ARID1B: variants seen among roughly 807,000 people sequenced by gnomAD.
ARID1B encodes the protein AT-rich interaction domain 1B, also known as AT-rich interactive domain-containing protein 1B.
ARID1B carries 30 observed loss-of-function variants against 212.3 expected under a neutral mutation model. That is an observed-to-expected ratio of 0.14 (90% CI 0.11 to 0.19). The LOEUF (loss-of-function observed/expected upper bound fraction) is 0.19. Ranked by LOEUF, ARID1B falls within the 10% of genes least tolerant of loss-of-function variation. The pLI is 1.00. For synonymous variants in ARID1B, 1,402 were observed against 1,301.7 expected (o/e 1.08, Z -1.66); for missense variants, 2,891 against 3,204.0 (o/e 0.90, Z 2.36).
At chr6:157,017,124 G>C (rs1779960084) in intron 4 of ARID1B, among the ~76,000 whole-genome samples, 1 of 152,212 alleles carries the variant, frequency 6.6e-6, no homozygotes, top group African/African-American at 2.4e-5. Context: ...GGACAGGGTT[G>C]CTCTAGACAA....
chr6:157,128,242 A>C (rs1046029109), intron 6 of ARID1B, among the ~76,000 whole-genome samples: 2 of 152,218 alleles, frequency 1.3e-5, no homozygotes, highest in African/African-American at 4.8e-5. Context: ...ATAATGGATT[A>C]CTTTTTTAGT....
At chr6:156,981,420 T>C (rs1188943404) in intron 4 of ARID1B, among the ~76,000 whole-genome samples, 1 of 152,150 alleles carries the variant, frequency 6.6e-6, no homozygotes, top group Non-Finnish European at 1.5e-5. Context: ...GTCATCTAAG[T>C]TTTCAAAAAT....
intron 2 of ARID1B, among the ~76,000 whole-genome samples, chr6:156,836,137 A>G (rs986735633): frequency 6.6e-6 from 1 of 152,208 alleles, no homozygotes; most frequent in African/African-American, 2.4e-5. Flanking sequence ...CGCTCCTTGG[A>G]AAACAAACAC....
Position 156,955,035 on chromosome 6 carries a change from GC to G in ARID1B, c.2247+19462del, listed in dbSNP as rs1793863664. Among the ~76,000 whole-genome samples the G allele has an allele frequency of 6.6e-6, 1 of 152,236 alleles. No individual in the cohort carries two copies. Among genetic ancestry groups the G allele is most frequent in the Non-Finnish European group, 1.5e-5 (1 of 68,040 alleles). On this transcript the variant is annotated intron_variant, in intron 4 of 19. Coordinates refer to ENST00000636930, the MANE Select transcript of ARID1B (RefSeq NM_001374828.1). This position sits in a 1 kb window ranked among gnomAD's most constrained non-coding sequence, Gnocchi z 4.2. ...TCTGCAGGGCTTTGCGGCAGCTGCAGCCCACTCTTGCCACTGTGATGGGAGC... is the reference window on the plus strand; with the variant it reads ...TCTGCAGGGCTTTGCGGCAGCTGCAGCCACTCTTGCCACTGTGATGGGAGC...
At chr6:156,860,579 T>C (rs1391952737) in intron 2 of ARID1B, among the ~76,000 whole-genome samples, 7 of 152,196 alleles carry the variant, frequency 4.6e-5, no homozygotes, top group African/African-American at 1.7e-4. Context: ...GAGTTAATTA[T>C]CTAACATCCA....
At chr6:157,056,186 CA>C (rs1404344252) in intron 4 of ARID1B, among the ~76,000 whole-genome samples, 1 of 152,146 alleles carries the variant, frequency 6.6e-6, no homozygotes, top group African/African-American at 2.4e-5. Context: ...GTCTGTATAC[CA>C]GGGGCTGGGA....
intron 11 of ARID1B, among the ~76,000 whole-genome samples, chr6:157,178,837 C>T (rs977146068): frequency 5.9e-5 from 9 of 152,154 alleles, no homozygotes; most frequent in Admixed American, 2.6e-4. Context: ...CAAGAACAAG[C>T]ATTTCTGTGC....
intron 2 of ARID1B, among the ~76,000 whole-genome samples, chr6:156,860,778 C>G (rs1157274410): frequency 1.3e-5 from 2 of 152,200 alleles, no homozygotes; most frequent in Non-Finnish European, 2.9e-5. Context: ...GCGTTTTATA[C>G]TTTTCATAAT....
At chr6:156,935,431 T>C (rs181517511) in intron 3 of ARID1B, 35 bp from the exon 4 acceptor site, 2 of 1,530,866 alleles carry the variant, frequency 1.3e-6, no homozygotes, top group East Asian at 4.5e-5. Flanking sequence ...CATTGAGATA[T>C]TTATGAAGTG....
intron 12 of ARID1B, 38 bp downstream of exon 12, chr6:157,181,216 T>G: frequency 6.2e-7 from 1 of 1,605,502 alleles, no homozygotes; most frequent in Non-Finnish European, 8.5e-7. Context: ...AAAGGAAGCA[T>G]TGTGGATAAG....
chr6:157,112,547 T>G (rs555624435), intron 6 of ARID1B, among the ~76,000 whole-genome samples: 10 of 152,324 alleles, frequency 6.6e-5, no homozygotes, highest in African/African-American at 2.4e-4. Context: ...TGTTAAAGGG[T>G]AAAAGTTCCC....
intron 4 of ARID1B, among the ~76,000 whole-genome samples, chr6:157,052,737 T>G (rs1184909689): frequency 6.6e-6 from 1 of 152,198 alleles, no homozygotes; most frequent in Non-Finnish European, 1.5e-5. Flanking sequence ...TGTCTGTTTT[T>G]TGAGATGGAG....
chr6:156,834,140 A>G lies in ARID1B; in HGVS notation c.1986+4719A>G, dbSNP rs527351962. Among the ~76,000 whole-genome samples, 467 of 152,330 alleles carry G rather than the reference A, an allele frequency of 3.1e-3. 3 individuals are homozygous for G. Among genetic ancestry groups the G allele is most frequent in the Admixed American group, 5.7e-3 (87 of 15,308 alleles). On this transcript the variant is annotated intron_variant, in intron 2 of 19. Coordinates refer to ENST00000636930, the MANE Select transcript of ARID1B (RefSeq NM_001374828.1). ...TGAGAGCTCTGAAAAGTAAGGATGA[A>G]TGGGGAGAGGAAGACTGGTTTAAGA... is the stretch of plus-strand genomic sequence containing the variant.
intron 1 of ARID1B, among the ~76,000 whole-genome samples, chr6:156,819,875 T>C (rs1395332025): frequency 1.3e-5 from 2 of 152,158 alleles, no homozygotes; most frequent in Non-Finnish European, 2.9e-5. Flanking sequence ...ATGACATATT[T>C]GAAATGTGTG....
intron 2 of ARID1B, among the ~76,000 whole-genome samples, chr6:156,832,032 A>G (rs1489942402): frequency 1.3e-5 from 2 of 152,260 alleles, no homozygotes; most frequent in Non-Finnish European, 2.9e-5. Context: ...AAAATTTAAA[A>G]GGCTAAAAAT....
intron 4 of ARID1B, among the ~76,000 whole-genome samples, chr6:157,070,841 A>G (rs1381284338): frequency 1.3e-5 from 2 of 152,232 alleles, no homozygotes; most frequent in Non-Finnish European, 2.9e-5. Context: ...TGCAGCGCTA[A>G]TAATGAGAAC....
chr6:157,104,684 C>T (rs550838337), intron 5 of ARID1B, among the ~76,000 whole-genome samples: 1 of 152,306 alleles, frequency 6.6e-6, no homozygotes, highest in East Asian at 1.9e-4. Context: ...TAGGAATAAA[C>T]TTAACATAAA....
chr6:157,117,571 T>C (rs971254943), intron 6 of ARID1B, among the ~76,000 whole-genome samples: 8 of 152,196 alleles, frequency 5.3e-5, no homozygotes, highest in African/African-American at 1.9e-4. Context: ...AGGGCCTGCA[T>C]GGCCCTCGGT....
chr6:157,046,310 A>C (rs1234928744), intron 4 of ARID1B, among the ~76,000 whole-genome samples: 2 of 152,170 alleles, frequency 1.3e-5, no homozygotes, highest in Non-Finnish European at 2.9e-5. Flanking sequence ...GAGCCCTGTT[A>C]ATGAAAGGCC....
Sources: gnomAD v4.1 joint callset for allele counts (sites outside exome capture counted in the v4.1 genomes callset) on GRCh38, gnomAD v4.1.1 for gene constraint, Gnocchi (gnomAD v3.1) non-coding constraint, MANE v1.5 for transcripts, NCBI Gene and HGNC (gene_info 2026-07-23, HGNC 2026-07-21) for gene names.